The following NCAPD3 variants were observed in gnomAD, a reference collection of about 807,000 sequenced individuals.
The protein encoded by NCAPD3 is condensin-2 complex subunit D3.
In NCAPD3, 105 loss-of-function variants were observed where a neutral mutation model predicts 182.9. The ratio of observed to expected loss-of-function variants is 0.57; its 90% CI spans 0.49 to 0.68. NCAPD3 has a LOEUF of 0.68. Among genes scored for constraint, NCAPD3 ranks in the 30% least tolerant of loss-of-function variants. NCAPD3 has a pLI of 0.00. For missense variants in NCAPD3, 1,944 were observed against 1,837.0 expected (o/e 1.06, Z -1.07); for synonymous variants, 815 against 679.9 (o/e 1.20, Z -3.09).
At chr11:134,212,211 G>A (rs1937857253) in intron 3 of NCAPD3, among the ~76,000 whole-genome samples, 1 of 152,086 alleles carries the variant, frequency 6.6e-6, no homozygotes, top group African/African-American at 2.4e-5. Context: ...TCAGGCAGAA[G>A]GAAAATTATA....
At chr11:134,155,550 C>T (rs1037623114) in intron 32 of NCAPD3, among the ~76,000 whole-genome samples, 4 of 152,188 alleles carry the variant, frequency 2.6e-5, no homozygotes, top group Admixed American at 2.6e-4. Flanking sequence ...TGGCTCCACA[C>T]AGGCAGATGA....
At chr11:134,225,330 T>G, upstream of NCAPD3, 1 of 1,613,136 alleles carries the variant, frequency 6.2e-7, no homozygotes, top group Non-Finnish European at 8.5e-7. Context: ...CAAGATCGAG[T>G]TCATCGGGCA....
rs1410150391 is a variant in NCAPD3, at chr11:134,160,205, A to G, written c.3685-131T>C. Reference sequence around the variant, plus strand: ...CACGTGTACCCCTGAACGCAAAATAAAAGTTAAGAAAGAAAAAAGCCCCCC... The same window carrying G: ...CACGTGTACCCCTGAACGCAAAATAGAAGTTAAGAAAGAAAAAAGCCCCCC... On this transcript the variant is annotated intron_variant, in intron 28 of 34. Transcript: ENST00000534548. The G allele has an allele frequency of 2.0e-5, 17 of 867,986 alleles. No homozygotes were observed. The East Asian group carries it at 2.6e-4, about 13-fold the overall frequency. 53.8% of individuals were successfully genotyped at this position (867,986 alleles called of 1,614,324 possible).
rs1431506018 is a variant in NCAPD3 at position 134,192,742 on chromosome 11, C to T, written c.1992G>A (p.Gln664=). 4 of 1,614,270 alleles carry T rather than the reference C, an allele frequency of 2.5e-6. No individual in the cohort carries two copies. The highest frequency in any genetic ancestry group is 2.5e-6 in the Non-Finnish European group (3 of 1,180,058). The change falls in exon 16 of 35, where the codon CAG becomes CAA. Residue 664 remains glutamine, a synonymous_variant. Coordinates refer to ENST00000534548, the MANE Select transcript of NCAPD3 (RefSeq NM_015261.3). The part of the protein sequence containing the change: ...HSHFHSGDDS[Q]VLAWALLTLL... ...GAGTAAGAAGCGCCCAGGCGAGGAC[C>T]TGGCTGTCGTCCCCAGAGTGAAAAT...
At chr11:134,182,067 G>C (rs1411891989) in intron 19 of NCAPD3, among the ~76,000 whole-genome samples, 2 of 152,136 alleles carry the variant, frequency 1.3e-5, no homozygotes, top group Non-Finnish European at 2.9e-5. Flanking sequence ...AATTTTAATA[G>C]ATTGCACAAC....
intron 24 of NCAPD3, among the ~76,000 whole-genome samples, chr11:134,170,502 C>A (rs916639046): frequency 1.3e-5 from 2 of 152,246 alleles, no homozygotes; most frequent in African/African-American, 4.8e-5. Flanking sequence ...AGTTAATCTA[C>A]TATGGCATGG....
intron 28 of NCAPD3, among the ~76,000 whole-genome samples, chr11:134,161,411 G>T (rs1174929859): frequency 6.6e-6 from 1 of 152,140 alleles, no homozygotes; most frequent in African/African-American, 2.4e-5. Context: ...AGTGCAAAAG[G>T]TAAGCACCCT....
In NCAPD3 at chr11:134,194,688, T is replaced by C; in HGVS notation, c.1666A>G (p.Asn556Asp). 6.2e-7 allele frequency: 1 copy of C among 1,608,212 alleles called. No homozygotes were observed. The highest frequency in any genetic ancestry group is 8.5e-7 in the Non-Finnish European group (1 of 1,177,250). Residue 556 changes from asparagine (N) to aspartate (D), a missense_variant, in exon 14 of 35, where the codon AAC becomes GAC. By Grantham distance (23) the Asn-to-Asp change is conservative. This residue lies in a region of NCAPD3 where 1,803 missense variants were observed against 1,674.6 expected (regional missense o/e 1.08). Transcript: ENST00000534548. ...ACCTGCAGTGCAGACTTCCTAACGT[T>C]GGTCTTCTCATCCCTGATCCTCCTT... Reference protein sequence around the residue: ...LRRRIRDEKTNVRKSALQVLV... With the variant: ...LRRRIRDEKTDVRKSALQVLV...
At chr11:134,172,852 T>A (rs968145130) in intron 24 of NCAPD3, among the ~76,000 whole-genome samples, 1 of 151,794 alleles carries the variant, frequency 6.6e-6, no homozygotes, top group African/African-American at 2.4e-5. Flanking sequence ...GAGAACCTAA[T>A]GCTACAAAAA....
At position 134,153,362 on chromosome 11, in the gene NCAPD3, C is replaced by T. The variant is rs773764304; in HGVS notation, c.4254G>A (p.Lys1418=). The change falls in exon 33 of 35, where the codon AAG becomes AAA. Residue 1418 remains lysine, a splice_region_variant and synonymous_variant. Coordinates refer to ENST00000534548, the MANE Select transcript of NCAPD3 (RefSeq NM_015261.3). ...CTCCAAACGTGACATCACTGATGCT[C>T]TCTGCATAAAGAGGAGACACCACTG... ...VTKRAISTPE[K]SISDVTFGAG... 8.7e-6 allele frequency: 14 copies of T among 1,614,106 alleles called. No homozygotes were observed. The highest frequency in any genetic ancestry group is 2.2e-5 in the East Asian group (1 of 44,880).
At chr11:134,179,687 T>C (rs1161022598) in intron 20 of NCAPD3, among the ~76,000 whole-genome samples, 3 of 152,230 alleles carry the variant, frequency 2.0e-5, no homozygotes, top group East Asian at 3.8e-4. Context: ...TATTTTTCTA[T>C]GTAGACCCCA....
At chr11:134,206,939 T>A (rs1306278895) in intron 7 of NCAPD3, among the ~76,000 whole-genome samples, 1 of 152,220 alleles carries the variant, frequency 6.6e-6, no homozygotes, top group African/African-American at 2.4e-5. Context: ...AAAGAATGGC[T>A]GACAGATGAT....
In NCAPD3 at chr11:134,168,930, G is replaced by T. The variant is rs111660664; in HGVS notation, c.3226C>A (p.Pro1076Thr). Residue 1076 changes from proline to threonine, a missense_variant, in exon 25 of 35, where the codon CCC (proline) becomes ACC (threonine). Coordinates refer to ENST00000534548, the MANE Select transcript of NCAPD3 (RefSeq NM_015261.3). Reference protein sequence around the residue: ...YEKHEKYNKFPQSEREKRLFS... With the variant: ...YEKHEKYNKFTQSEREKRLFS... ...TGCTTCACTGACCTCTCTGACTGGG[G>T]GAACTTGTTGTACTTCTCATGCTTC... The T allele has an allele frequency of 6.2e-7, 1 of 1,613,292 alleles. No homozygotes were observed. The highest frequency in any genetic ancestry group is 8.5e-7 in the Non-Finnish European group (1 of 1,179,558).
rs1944660337 is a variant in NCAPD3 at position 134,197,514 on chromosome 11, T to C, written c.1616-2776A>G. On this transcript the variant is annotated intron_variant, in intron 13 of 34. Coordinates refer to ENST00000534548, the MANE Select transcript of NCAPD3 (RefSeq NM_015261.3). ...CTGGTCTCGAACTCCTGACCTCAAGTAATCCATCCGCCTTGGCCTCCCAAA... is the reference window on the plus strand; with the variant it reads ...CTGGTCTCGAACTCCTGACCTCAAGCAATCCATCCGCCTTGGCCTCCCAAA... Among the ~76,000 whole-genome samples the C allele has an allele frequency of 2.0e-5, 3 of 152,170 alleles. No individual in the cohort carries two copies. In the South Asian group the frequency reaches 6.2e-4, roughly 31 times the overall value.
intron 32 of NCAPD3, among the ~76,000 whole-genome samples, chr11:134,154,392 G>A (rs944293269): frequency 2.0e-5 from 3 of 151,826 alleles, no homozygotes; most frequent in African/African-American, 7.3e-5. Flanking sequence ...CACCTGTTAG[G>A]CTCAGGTGCA....
chr11:134,153,805 T>C (rs999373643), intron 32 of NCAPD3: 45 of 211,222 alleles, frequency 2.1e-4, no homozygotes, highest in African/African-American at 9.6e-4. Flanking sequence ...GCTGGAAATA[T>C]GGCACCGTGA....
intron 32 of NCAPD3, among the ~76,000 whole-genome samples, chr11:134,155,615 G>A (rs528244865): frequency 3.0e-4 from 45 of 152,264 alleles, no homozygotes; most frequent in Middle Eastern, 6.8e-3. Context: ...CGAGCTGCTA[G>A]GAAACAACCC....
In NCAPD3 at chr11:134,204,779, T is replaced by G; in HGVS notation, c.1089+120A>C. On this transcript the variant is annotated intron_variant, in intron 9 of 34. Coordinates refer to ENST00000534548, the MANE Select transcript of NCAPD3 (RefSeq NM_015261.3). The surrounding 1 kb of genome is among the most constrained non-coding windows in gnomAD (Gnocchi z 4.3). The stretch of plus-strand genomic sequence containing the variant: ...CTAGTGAACATTAAATAAAACCACT[T>G]TAAGTAACAATGCACACTCATTCCC... 1.3e-6 allele frequency: 1 copy of G among 751,726 alleles called. No individual in the cohort carries two copies. Among genetic ancestry groups the G allele is most frequent in the South Asian group, 2.3e-5 (1 of 43,730 alleles). 46.6% of individuals were successfully genotyped at this position (751,726 alleles called of 1,614,324 possible).
At chr11:134,165,305 GCACACT>G (rs1943741349) in intron 27 of NCAPD3, among the ~76,000 whole-genome samples, 1 of 151,052 alleles carries the variant, frequency 6.6e-6, no homozygotes, top group Admixed American at 6.6e-5. Flanking sequence ...TAGGGAAGCT[GCACACT>G]CACTTGTGAC....
Sources: gnomAD v4.1 joint callset for allele counts (sites outside exome capture counted in the v4.1 genomes callset) on GRCh38, gnomAD v4.1.1 for gene constraint, gnomAD v4.1.1 regional missense constraint, Gnocchi (gnomAD v3.1) non-coding constraint, MANE v1.5 for transcripts, NCBI Gene and HGNC (gene_info 2026-07-23, HGNC 2026-07-21) for gene names.